DRD2: variants seen among roughly 807,000 people sequenced by gnomAD.
DRD2 encodes D(2) dopamine receptor.
In DRD2, 8 loss-of-function variants were observed where a neutral mutation model predicts 38.0. The ratio of observed to expected loss-of-function variants is 0.21; its 90% confidence interval spans 0.12 to 0.38. The LOEUF (loss-of-function observed/expected upper bound fraction) is 0.38, where lower values mean the gene tolerates loss of function less well. Ranked by LOEUF, DRD2 falls within the 10% of genes least tolerant of loss-of-function variation. The pLI, the probability that DRD2 is intolerant of heterozygous loss-of-function variation, is 1.00. For missense variants in DRD2, 403 were observed against 607.7 expected (o/e 0.66, Z 3.54); for synonymous variants, 230 against 238.6 (o/e 0.96, Z 0.33).
chr11:113,416,749 C>T, intron 4 of DRD2, 114 bp downstream of exon 4: 1 of 1,457,962 alleles, frequency 6.9e-7, no homozygotes, highest in African/African-American at 1.4e-5. Flanking sequence ...TAGTGATAGG[C>T]CTCCATTGGG....
rs1023773057 is a variant in DRD2, at chr11:113,412,931, G to T, written c.811-48C>A. 1.9e-6 allele frequency: 3 copies of T among 1,566,136 alleles called. No homozygotes were observed. In the African/African-American group the frequency reaches 4.1e-5, roughly 21 times the overall value. ...TGGGTAAAGCCGGACAAGTTCCCAG[G>T]CATCAGCCACCCATCTCACTGGCCC... On this transcript the variant is annotated intron_variant, in intron 6 of 7. Transcript: ENST00000362072.
chr11:113,410,179 T>G lies in DRD2; in HGVS notation c.*548A>C. On this transcript the variant is annotated 3_prime_UTR_variant, in exon 8 of 8. Transcript: ENST00000362072. Reference sequence around the variant, plus strand: ...TCGGGGTGCGGGAGGGAGCTAAGGTTTTTGGCTTGGGAATCTCTGGGGTCC... The same window carrying G: ...TCGGGGTGCGGGAGGGAGCTAAGGTGTTTGGCTTGGGAATCTCTGGGGTCC... The G allele has an allele frequency of 5.2e-6, 1 of 192,592 alleles. No homozygotes were observed. The highest frequency in any genetic ancestry group is 1.1e-5 in the Non-Finnish European group (1 of 92,188). The allele number at this position is 192,592 out of a possible 1,614,324, so 11.9% of individuals were successfully genotyped here.
intron 1 of DRD2, among the ~76,000 whole-genome samples, chr11:113,440,585 C>G (rs1163347620): frequency 6.6e-6 from 1 of 152,174 alleles, no homozygotes; most frequent in Non-Finnish European, 1.5e-5. Flanking sequence ...AATGCAAATC[C>G]CAAGTGCTTC....
rs1565683364 is a variant in DRD2 at position 113,474,648 on chromosome 11, G to A, written c.-32+428C>T. ...AAAAACAGCCCTTCTTCCTCCGGAA[G>A]AAGTCGGAAACTCTGGCCGCGAGCC... On this transcript the variant is annotated intron_variant, in intron 1 of 7. Transcript: ENST00000362072. Among the ~76,000 whole-genome samples, 3 of 152,202 alleles carry A rather than the reference G, an allele frequency of 2.0e-5. No homozygotes were observed. The South Asian group carries it at 6.2e-4, about 32-fold the overall frequency.
intron 1 of DRD2, among the ~76,000 whole-genome samples, chr11:113,429,958 T>C (rs916258565): frequency 5.9e-5 from 9 of 152,166 alleles, no homozygotes; most frequent in Non-Finnish European, 8.8e-5. Context: ...ACTTTAAAAA[T>C]CAAACCAAGC....
intron 2 of DRD2, among the ~76,000 whole-genome samples, chr11:113,422,117 C>T (rs144407336): frequency 1.8e-4 from 27 of 152,270 alleles, no homozygotes; most frequent in African/African-American, 6.3e-4. Flanking sequence ...GTAGAACACA[C>T]GTTCCTCTGG....
intron 2 of DRD2, among the ~76,000 whole-genome samples, chr11:113,420,381 G>C (rs1950874116): frequency 6.6e-6 from 1 of 152,210 alleles, no homozygotes; most frequent in Admixed American, 6.5e-5. Flanking sequence ...GAATAACAAA[G>C]AGATTTCCTC....
chr11:113,424,469 G>A lies in DRD2; in HGVS notation c.183C>T (p.Arg61=), dbSNP rs201945675. ...TGGTGGTGGTCTGCAGCGCCTTCTC[G>A]CGGGACACAGCCATGCACACCAGCA... The part of the protein sequence containing the change: ...GNVLVCMAVS[R]EKALQTTTNY... Residue 61 remains arginine (R), a synonymous_variant, in exon 2 of 8, where the codon CGC becomes CGT. Transcript: ENST00000362072. 29 of 1,614,106 alleles carry A rather than the reference G, an allele frequency of 1.8e-5. No homozygotes were observed. The highest frequency in any genetic ancestry group is 1.2e-4 in the Admixed American group (7 of 60,010).
chr11:113,471,078 A>G (rs149772623), intron 1 of DRD2, among the ~76,000 whole-genome samples: 1 of 152,364 alleles, frequency 6.6e-6, no homozygotes, highest in African/African-American at 2.4e-5. Flanking sequence ...CTGGACCCAA[A>G]TCAAAGAAAA....
Position 113,424,394 on chromosome 11 carries a change from C to A in DRD2, c.258G>T (p.Leu86=). The A allele has an allele frequency of 6.2e-7, 1 of 1,614,188 alleles. No homozygotes were observed. The change falls in exon 2 of 8, where the codon CTG becomes CTT. Residue 86 remains leucine, a synonymous_variant. Transcript: ENST00000362072. The stretch of plus-strand genomic sequence containing the variant: ...CCAGGTAGACAACCCAGGGCATGAC[C>A]AGTGTGGCGACGAGGAGGTCGGCCA... ...LAVADLLVAT[L]VMPWVVYLEV... is the part of the protein sequence containing the mutation.
chr11:113,453,118 T>C (rs1951232270), intron 1 of DRD2, among the ~76,000 whole-genome samples: 1 of 152,180 alleles, frequency 6.6e-6, no homozygotes. Flanking sequence ...GCCACAGTTT[T>C]ATCACCTATC....
intron 1 of DRD2, among the ~76,000 whole-genome samples, chr11:113,455,792 G>A (rs566264319): frequency 5.3e-5 from 8 of 152,264 alleles, no homozygotes; most frequent in Non-Finnish European, 1.2e-4. Context: ...GACCACAAAT[G>A]GTAACAAGGA....
In DRD2 at chr11:113,424,861, T is replaced by G; in HGVS notation, c.-31-179A>C. On this transcript the variant is annotated intron_variant, in intron 1 of 7. Transcript: ENST00000362072. ...CTGCCACTCTTTTGCTAGCAAGTTT[T>G]TACAGCTGGTAGGACAAATGAGCAA... The G allele has an allele frequency of 4.8e-6, 3 of 630,804 alleles. No homozygotes were observed. In the South Asian group the frequency reaches 5.9e-5, roughly 12 times the overall value. 39.1% of individuals were successfully genotyped at this position (630,804 alleles called of 1,614,324 possible).
intron 1 of DRD2, among the ~76,000 whole-genome samples, chr11:113,446,232 C>T (rs774934875): frequency 1.3e-5 from 2 of 152,126 alleles, no homozygotes; most frequent in African/African-American, 4.8e-5. Flanking sequence ...TCCATGGATC[C>T]CACCCTAGTT....
intron 6 of DRD2, among the ~76,000 whole-genome samples, chr11:113,413,176 T>G (rs1950787196): frequency 6.6e-6 from 1 of 152,188 alleles, no homozygotes; most frequent in African/African-American, 2.4e-5. Flanking sequence ...GAGCAACACT[T>G]ACTGTTAGCA....
chr11:113,425,488 AG>A (rs1307442128), intron 1 of DRD2, among the ~76,000 whole-genome samples: 1 of 152,202 alleles, frequency 6.6e-6, no homozygotes, highest in African/African-American at 2.4e-5. Flanking sequence ...AAGATCATAG[AG>A]GGCCTTAAAA....
intron 2 of DRD2, among the ~76,000 whole-genome samples, chr11:113,419,824 G>A (rs1288712964): frequency 6.6e-6 from 1 of 152,154 alleles, no homozygotes; most frequent in Non-Finnish European, 1.5e-5. Context: ...CTCAATGATG[G>A]GCAATGCAGC....
chr11:113,415,374 A>G (rs752688406), intron 5 of DRD2, 47 bp downstream of exon 5: 2 of 1,566,392 alleles, frequency 1.3e-6, no homozygotes, highest in East Asian at 4.5e-5. Flanking sequence ...CCTCTTGGTA[A>G]TGGTTAGGTG....
intron 1 of DRD2, among the ~76,000 whole-genome samples, chr11:113,441,616 A>G (rs998696750): frequency 3.9e-5 from 6 of 152,200 alleles, no homozygotes; most frequent in Non-Finnish European, 7.3e-5. Flanking sequence ...TCCCCTTTAT[A>G]CAAGGCACAC....
Sources: gnomAD v4.1 joint callset for allele counts (sites outside exome capture counted in the v4.1 genomes callset) on GRCh38, gnomAD v4.1.1 for gene constraint, MANE v1.5 for transcripts, NCBI Gene and HGNC (gene_info 2026-07-23, HGNC 2026-07-21) for gene names.